FBXL17: variants seen among roughly 807,000 people sequenced by gnomAD.
FBXL17 encodes F-box/LRR-repeat protein 17.
In FBXL17, 22 loss-of-function variants were observed where a neutral mutation model predicts 66.2. The ratio of observed to expected loss-of-function variants is 0.33; its 90% CI spans 0.24 to 0.47. The LOEUF is 0.47. Among genes scored for constraint, FBXL17 ranks in the 20% least tolerant of loss-of-function variants. FBXL17 has a pLI of 1.00. For synonymous variants in FBXL17, 474 were observed against 400.5 expected, an observed-to-expected ratio of 1.18 and a Z score of -2.19; for missense variants, 878 against 948.2, an observed-to-expected ratio of 0.93 and a Z score of 0.97.
At chr5:108,158,322 C>T (rs773892165) in intron 6 of FBXL17, among the ~76,000 whole-genome samples, 19 of 152,140 alleles carry the variant, frequency 1.2e-4, no homozygotes, top group Non-Finnish European at 2.6e-4. Context: ...TAGCCAAAAA[C>T]TTATTGGATA....
chr5:108,193,907 T>C (rs1753571065), intron 5 of FBXL17, among the ~76,000 whole-genome samples: 2 of 152,158 alleles, frequency 1.3e-5, no homozygotes, highest in Admixed American at 1.3e-4. Flanking sequence ...TCCTACTAGA[T>C]CTGACATTAT....
chr5:108,116,396 T>C (rs1202442070), intron 6 of FBXL17, among the ~76,000 whole-genome samples: 1 of 151,834 alleles, frequency 6.6e-6, no homozygotes, highest in Non-Finnish European at 1.5e-5. Context: ...TCCCAGCACT[T>C]TGGGAGGCCA....
At chr5:108,171,279 T>C (rs1489390779) in intron 6 of FBXL17, among the ~76,000 whole-genome samples, 1 of 152,222 alleles carries the variant, frequency 6.6e-6, no homozygotes, top group Non-Finnish European at 1.5e-5. Context: ...GTTTAACTGC[T>C]TGTTGCAACC....
At chr5:107,879,651 T>G in intron 8 of FBXL17, 1 of 985,452 alleles carries the variant, frequency 1.0e-6, no homozygotes, top group South Asian at 4.7e-5. Flanking sequence ...CATACTTCAT[T>G]TGCCCCCACA....
intron 6 of FBXL17, among the ~76,000 whole-genome samples, chr5:108,163,576 T>C (rs769313172): frequency 7.2e-5 from 11 of 152,098 alleles, no homozygotes; most frequent in Non-Finnish European, 1.6e-4. Context: ...AATTTTTTTG[T>C]GTTTTTAGTA....
chr5:108,378,220 C>CG (rs1233128366), intron 1 of FBXL17, among the ~76,000 whole-genome samples: 1 of 148,722 alleles, frequency 6.7e-6, no homozygotes, highest in Non-Finnish European at 1.5e-5. Flanking sequence ...TCTCCTCTGC[C>CG]ATAAAAAAAA....
intron 6 of FBXL17, among the ~76,000 whole-genome samples, chr5:108,118,407 C>T (rs1024549156): frequency 6.6e-6 from 1 of 152,198 alleles, no homozygotes; most frequent in African/African-American, 2.4e-5. Context: ...TACCCAGGTG[C>T]TCAAGCTAAA....
chr5:108,272,253 C>T (rs1324129226), intron 4 of FBXL17, among the ~76,000 whole-genome samples: 2 of 151,616 alleles, frequency 1.3e-5, no homozygotes. Context: ...ATCGCGCCAC[C>T]GCACTCCAAC....
At chr5:108,051,880 G>A (rs1327274034) in intron 6 of FBXL17, among the ~76,000 whole-genome samples, 1 of 152,096 alleles carries the variant, frequency 6.6e-6, no homozygotes, top group Non-Finnish European at 1.5e-5. Context: ...AGAGGCTGAG[G>A]CGGGCGGATC....
At chr5:108,213,334 G>A (rs552837528) in intron 5 of FBXL17, among the ~76,000 whole-genome samples, 1 of 152,276 alleles carries the variant, frequency 6.6e-6, no homozygotes, top group Non-Finnish European at 1.5e-5. Context: ...AGGCCCCAAT[G>A]AGGCATGGAA....
chr5:108,144,980 A>T (rs1293185333), intron 6 of FBXL17, among the ~76,000 whole-genome samples: 1 of 152,160 alleles, frequency 6.6e-6, no homozygotes, highest in African/African-American at 2.4e-5. Context: ...TAACATTTTA[A>T]ACACATTGTT....
intron 6 of FBXL17, among the ~76,000 whole-genome samples, chr5:108,135,246 A>AG (rs1427047326): frequency 1.3e-5 from 2 of 152,146 alleles, no homozygotes; most frequent in Non-Finnish European, 2.9e-5. Flanking sequence ...TAGTTCTGAG[A>AG]GGGGCTAAGA....
At chr5:108,064,823 C>A (rs763920084) in intron 6 of FBXL17, among the ~76,000 whole-genome samples, 15 of 152,118 alleles carry the variant, frequency 9.9e-5, no homozygotes, top group Admixed American at 3.3e-4. Context: ...GTTAGGACAG[C>A]CTTCCTGCAG....
At chr5:108,155,343 C>T (rs780565725) in intron 6 of FBXL17, among the ~76,000 whole-genome samples, 3 of 151,892 alleles carry the variant, frequency 2.0e-5, no homozygotes, top group Non-Finnish European at 4.4e-5. Context: ...GGTGAAACTC[C>T]ATCTCTACTA....
intron 7 of FBXL17, among the ~76,000 whole-genome samples, chr5:107,950,413 T>C (rs1055862578): frequency 3.3e-5 from 5 of 152,306 alleles, no homozygotes; most frequent in African/African-American, 9.6e-5. Flanking sequence ...ATATTCTGAA[T>C]ATAGAATAAT....
intron 7 of FBXL17, among the ~76,000 whole-genome samples, chr5:107,942,365 T>C (rs183352692): frequency 1.3e-5 from 2 of 152,302 alleles, no homozygotes; most frequent in African/African-American, 2.4e-5. Context: ...TGTGTGTTCC[T>C]CATCTCTTTG....
chr5:108,111,928 G>A (rs1750050619), intron 6 of FBXL17, among the ~76,000 whole-genome samples: 1 of 152,266 alleles, frequency 6.6e-6, no homozygotes, highest in South Asian at 2.1e-4. Context: ...TTGAACAAGG[G>A]GTAATGCTGC....
intron 4 of FBXL17, among the ~76,000 whole-genome samples, chr5:108,320,797 T>A (rs1052641830): frequency 6.6e-6 from 1 of 151,810 alleles, no homozygotes; most frequent in African/African-American, 2.4e-5. Flanking sequence ...TTCAGCATAT[T>A]ATCATATTTA....
intron 5 of FBXL17, among the ~76,000 whole-genome samples, chr5:108,218,168 T>A (rs1754695002): frequency 1.3e-5 from 2 of 151,140 alleles, no homozygotes; most frequent in Non-Finnish European, 3.0e-5. Context: ...ACCACGCCCA[T>A]CTAATTTTTT....
Sources: gnomAD v4.1 joint callset for allele counts (sites outside exome capture counted in the v4.1 genomes callset) on GRCh38, gnomAD v4.1.1 for gene constraint, MANE v1.5 for transcripts, NCBI Gene and HGNC (gene_info 2026-07-23, HGNC 2026-07-21) for gene names.